The following WWOX variants were observed in gnomAD, a reference collection of about 807,000 sequenced individuals.
The protein encoded by WWOX is WW domain-containing oxidoreductase.
WWOX carries 69 observed loss-of-function variants against 46.2 expected under a neutral mutation model. The ratio of observed to expected loss-of-function variants is 1.49; its 90% CI spans 1.23 to 1.82. The LOEUF (loss-of-function observed/expected upper bound fraction) is 1.82, where lower values mean the gene tolerates loss of function less well. WWOX is among the 40% of genes most tolerant of loss of function. WWOX has a pLI of 0.00. For missense variants in WWOX, 919 were observed against 542.6 expected (o/e 1.69, Z -6.89); for synonymous variants, 359 against 202.6 (o/e 1.77, Z -6.56).
At chr16:78,750,057 A>T (rs1178572325) in intron 8 of WWOX, among the ~76,000 whole-genome samples, 1 of 152,198 alleles carries the variant, frequency 6.6e-6, no homozygotes, top group Admixed American at 6.5e-5. Flanking sequence ...GGAGAAATAA[A>T]ATAAGACAGC....
At chr16:79,030,172 A>T (rs917604591) in intron 8 of WWOX, among the ~76,000 whole-genome samples, 1 of 152,254 alleles carries the variant, frequency 6.6e-6, no homozygotes, top group African/African-American at 2.4e-5. Context: ...TTCCGTTATC[A>T]TAGCCATTGG....
intron 8 of WWOX, among the ~76,000 whole-genome samples, chr16:79,093,305 A>G (rs560492503): frequency 1.3e-5 from 2 of 152,308 alleles, no homozygotes; most frequent in East Asian, 3.9e-4. Context: ...TAATACTGAC[A>G]GTAGTTGCGT....
At chr16:78,482,486 G>A (rs2667566) in intron 8 of WWOX, among the ~76,000 whole-genome samples, 25,060 of 152,152 alleles carry the variant, frequency 0.16, 2,153 homozygotes, top group African/African-American at 0.2. Context: ...GCCTCCGAAA[G>A]TGCTGGGATG....
At chr16:78,925,962 A>T (rs1189613722) in intron 8 of WWOX, among the ~76,000 whole-genome samples, 1 of 152,210 alleles carries the variant, frequency 6.6e-6, no homozygotes, top group African/African-American at 2.4e-5. Flanking sequence ...AAAGACTGTG[A>T]ACCAAGAGGG....
intron 8 of WWOX, among the ~76,000 whole-genome samples, chr16:78,992,380 T>C (rs909553498): frequency 6.6e-5 from 10 of 152,002 alleles, no homozygotes; most frequent in African/African-American, 2.4e-4. Context: ...GGCAGGAGAA[T>C]TGCTTGAATC....
intron 5 of WWOX, among the ~76,000 whole-genome samples, chr16:78,313,438 C>G (rs762449393): frequency 1.3e-5 from 2 of 152,174 alleles, no homozygotes; most frequent in African/African-American, 4.8e-5. Context: ...ACGATCTTAG[C>G]TCACCACAAG....
chr16:79,147,383 C>T (rs926538736), intron 8 of WWOX, among the ~76,000 whole-genome samples: 5 of 152,158 alleles, frequency 3.3e-5, no homozygotes, highest in South Asian at 4.1e-4. Context: ...TTTTTTCACT[C>T]GGTACAATTC....
chr16:78,198,063 G>A lies in WWOX; in HGVS notation c.516+33774G>A, dbSNP rs1567625595. Among the ~76,000 whole-genome samples the A allele has an allele frequency of 2.6e-5, 4 of 152,074 alleles. No individual in the cohort carries two copies. The South Asian group carries it at 8.3e-4, about 32-fold the overall frequency. On this transcript the variant is annotated intron_variant, in intron 5 of 8. Transcript: ENST00000566780. ...AAAACTGTAGTTTAACTAAAAAGTG[G>A]CCACTGTCTCCTGGTAGCGGTTGGT...
At chr16:78,945,141 C>T (rs1173999600) in intron 8 of WWOX, among the ~76,000 whole-genome samples, 1 of 152,084 alleles carries the variant, frequency 6.6e-6, no homozygotes, top group Admixed American at 6.5e-5. Flanking sequence ...GACCGCACCT[C>T]TGGAGTCCAC....
intron 8 of WWOX, among the ~76,000 whole-genome samples, chr16:78,947,145 C>T (rs1026091494): frequency 2.0e-5 from 3 of 150,862 alleles, no homozygotes; most frequent in Non-Finnish European, 4.4e-5. Context: ...ATTAGTCTTC[C>T]ATTAAAAATA....
At chr16:79,091,400 A>T (rs2048957270) in intron 8 of WWOX, among the ~76,000 whole-genome samples, 1 of 152,138 alleles carries the variant, frequency 6.6e-6, no homozygotes, top group African/African-American at 2.4e-5. Context: ...ATGAATTTGA[A>T]GGCTGCCAGG....
intron 8 of WWOX, among the ~76,000 whole-genome samples, chr16:78,638,070 G>A (rs1221802543): frequency 1.3e-5 from 2 of 152,106 alleles, no homozygotes; most frequent in African/African-American, 4.8e-5. Flanking sequence ...TCTCCGTACC[G>A]CTTTCCCCAA....
At chr16:78,338,864 G>T (rs2080950927) in intron 5 of WWOX, among the ~76,000 whole-genome samples, 1 of 119,226 alleles carries the variant, frequency 8.4e-6, no homozygotes, top group Non-Finnish European at 2.0e-5. Flanking sequence ...TTTAAAGTTA[G>T]TCAGGTATGT....
chr16:78,621,592 C>CTTTTTTTATTTTTTTTTT (rs2046184864), intron 8 of WWOX, among the ~76,000 whole-genome samples: 1 of 31,512 alleles, frequency 3.2e-5, no homozygotes, highest in Non-Finnish European at 5.9e-5. Flanking sequence ...TTGTTCTAAT[C>CTTTTTTTATTTTTTTTTT]TTTTTTTTTT....
At chr16:78,185,206 A>G (rs896319096) in intron 5 of WWOX, among the ~76,000 whole-genome samples, 7 of 152,234 alleles carry the variant, frequency 4.6e-5, no homozygotes, top group African/African-American at 1.7e-4. Context: ...GAACTGGACT[A>G]TCAGAGAATA....
chr16:78,744,379 C>T (rs911485164), intron 8 of WWOX, among the ~76,000 whole-genome samples: 13 of 148,764 alleles, frequency 8.7e-5, no homozygotes, highest in Admixed American at 2.0e-4. Context: ...ATGCAGAAGA[C>T]GCTTGAAGGG....
chr16:78,776,750 G>A (rs181747437), intron 8 of WWOX, among the ~76,000 whole-genome samples: 33 of 152,270 alleles, frequency 2.2e-4, no homozygotes, highest in African/African-American at 6.7e-4. Flanking sequence ...AAGGAAGCTA[G>A]TGCACCTTAC....
At chr16:78,854,349 A>C (rs1125814) in intron 8 of WWOX, among the ~76,000 whole-genome samples, 32,750 of 152,154 alleles carry the variant, frequency 0.22, 3,893 homozygotes, top group South Asian at 0.33. Flanking sequence ...AGCAAAATGA[A>C]ACCTTTAAGT....
chr16:78,488,755 C>A (rs1387680269), intron 8 of WWOX, among the ~76,000 whole-genome samples: 1 of 152,196 alleles, frequency 6.6e-6, no homozygotes, highest in Non-Finnish European at 1.5e-5. Context: ...GGGCATCTGA[C>A]TTCACCTTTC....
Sources: gnomAD v4.1 joint callset for allele counts (sites outside exome capture counted in the v4.1 genomes callset) on GRCh38, gnomAD v4.1.1 for gene constraint, MANE v1.5 for transcripts, NCBI Gene and HGNC (gene_info 2026-07-23, HGNC 2026-07-21) for gene names.